GSTO2: variants seen among roughly 807,000 people sequenced by gnomAD.
The protein encoded by GSTO2 is glutathione S-transferase omega-2.
In GSTO2, 23 loss-of-function variants were observed where a neutral mutation model predicts 28.4. The ratio of observed to expected loss-of-function variants is 0.81; its 90% CI spans 0.58 to 1.15. The LOEUF is 1.15. Ranked by LOEUF, GSTO2 falls within the 50% of genes most tolerant of loss-of-function variation. GSTO2 has a pLI of 0.00. For synonymous variants in GSTO2, 109 were observed against 111.0 expected, an observed-to-expected ratio of 0.98 and a Z score of 0.11; for missense variants, 298 against 297.8, an observed-to-expected ratio of 1.00 and a Z score of 0.00.
chr10:104,298,015 C>A (rs1008162747), intron 6 of GSTO2, among the ~76,000 whole-genome samples: 1 of 152,194 alleles, frequency 6.6e-6, no homozygotes, highest in East Asian at 1.9e-4. Flanking sequence ...CCCAACGCCT[C>A]CACCTGGTCC....
At chr10:104,290,107 G>A (rs1484517246) in intron 5 of GSTO2, among the ~76,000 whole-genome samples, 1 of 152,206 alleles carries the variant, frequency 6.6e-6, no homozygotes, top group African/African-American at 2.4e-5. Flanking sequence ...AAGGAAATCA[G>A]TATATCAAAG....
At chr10:104,284,592 C>T (rs185834965) in intron 5 of GSTO2, among the ~76,000 whole-genome samples, 14 of 152,222 alleles carry the variant, frequency 9.2e-5, no homozygotes, top group Admixed American at 6.5e-4. Context: ...ATTTTCTAGC[C>T]CTTACTGAAT....
At chr10:104,292,497 C>T (rs189697140) in intron 5 of GSTO2, among the ~76,000 whole-genome samples, 1 of 150,950 alleles carries the variant, frequency 6.6e-6, no homozygotes, top group East Asian at 2.0e-4. Context: ...GGATCTCACT[C>T]TGTCACCTAG....
At position 104,299,316 on chromosome 10, in the gene GSTO2, T is replaced by C; in HGVS notation, c.*32T>C. 1.2e-6 allele frequency: 2 copies of C among 1,612,622 alleles called. No individual in the cohort carries two copies. On this transcript the variant is annotated 3_prime_UTR_variant, in exon 7 of 7. Coordinates refer to ENST00000338595, the MANE Select transcript of GSTO2 (RefSeq NM_183239.2). ...CTGTCCACCCCTTCGCTGTCCAGAA[T>C]TCCCCAGCTTGTTGGGAGTCTACGT...
intron 5 of GSTO2, among the ~76,000 whole-genome samples, chr10:104,290,339 C>G (rs1261169067): frequency 1.3e-5 from 2 of 152,000 alleles, no homozygotes; most frequent in African/African-American, 4.8e-5. Context: ...AACCCTGTCT[C>G]TACTGAAAAT....
chr10:104,280,887 G>A (rs2011998865), intron 5 of GSTO2, among the ~76,000 whole-genome samples: 1 of 152,142 alleles, frequency 6.6e-6, no homozygotes, highest in Admixed American at 6.6e-5. Flanking sequence ...AAATTTGTAC[G>A]ATTAAGTATT....
At chr10:104,296,796 CTTTT>C (rs2013059335) in intron 5 of GSTO2, 7 of 147,922 alleles carry the variant, frequency 4.7e-5, no homozygotes, top group Admixed American at 4.7e-4. Context: ...TTCTTTTTTT[CTTTT>C]TTACTTTTTG....
At chr10:104,272,877 G>A (rs2011483992) in intron 1 of GSTO2, among the ~76,000 whole-genome samples, 2 of 152,082 alleles carry the variant, frequency 1.3e-5, no homozygotes. Context: ...CTCCCAAAGT[G>A]CTGGGATTAC....
Position 104,286,897 on chromosome 10 carries a change from T to C in GSTO2, c.468+7426T>C, listed in dbSNP as rs931978158. Among the ~76,000 whole-genome samples, 4 of 152,124 alleles carry C rather than the reference T, an allele frequency of 2.6e-5. No individual in the cohort carries two copies. The South Asian group carries it at 8.3e-4, about 32-fold the overall frequency. On this transcript the variant is annotated intron_variant, in intron 5 of 6. Coordinates refer to ENST00000338595, the MANE Select transcript of GSTO2 (RefSeq NM_183239.2). ...AGAATTTGGAAAATACAGGAAAACATAGAAACTAAGGAAAAAAAATTATAA... is the reference window on the plus strand; with the variant it reads ...AGAATTTGGAAAATACAGGAAAACACAGAAACTAAGGAAAAAAAATTATAA...
chr10:104,279,395 T>C lies in GSTO2; in HGVS notation c.392T>C (p.Leu131Pro). ...CKVPHLTKEC[L>P]VALRCGRECT... ...GTCCCACATTTGACCAAGGAGTGCC[T>C]GGTAGCGTTGAGATGTGGGAGAGAA... The change falls in exon 5 of 7, where the codon CTG becomes CCG. Residue 131 changes from leucine (L) to proline (P), a missense_variant. Coordinates refer to ENST00000338595, the MANE Select transcript of GSTO2 (RefSeq NM_183239.2). The C allele has an allele frequency of 6.2e-7, 1 of 1,613,998 alleles. No homozygotes were observed. Among genetic ancestry groups the C allele is most frequent in the Non-Finnish European group, 8.5e-7 (1 of 1,179,906 alleles).
chr10:104,279,595 C>A, intron 5 of GSTO2, 124 bp downstream of exon 5: 1 of 636,462 alleles, frequency 1.6e-6, no homozygotes. Context: ...AGTCAGACTT[C>A]TGATCATCTG....
intron 5 of GSTO2, among the ~76,000 whole-genome samples, chr10:104,279,989 C>A (rs926535276): frequency 1.3e-5 from 2 of 151,768 alleles, no homozygotes; most frequent in African/African-American, 4.8e-5. Context: ...ATAGCAAGAC[C>A]CCTCCTCTAC....
chr10:104,284,919 C>T (rs535554028), intron 5 of GSTO2, among the ~76,000 whole-genome samples: 136 of 152,288 alleles, frequency 8.9e-4, no homozygotes, highest in Non-Finnish European at 1.6e-3. Flanking sequence ...CTTTCTTCGT[C>T]ATCATCAGAG....
At chr10:104,281,563 G>T (rs1241053835) in intron 5 of GSTO2, among the ~76,000 whole-genome samples, 2 of 152,124 alleles carry the variant, frequency 1.3e-5, no homozygotes, top group African/African-American at 4.8e-5. Flanking sequence ...TTCAGTCGGG[G>T]GTCTTTTCCA....
In GSTO2 at chr10:104,277,916, C is replaced by T; in HGVS notation, c.166C>T (p.Leu56=). The change falls in exon 4 of 7, where the codon CTG becomes TTG. Residue 56 remains leucine, a synonymous_variant. Transcript: ENST00000338595. The stretch of plus-strand genomic sequence containing the variant: ...AAGACATGAAGTGGTCAACATTAAC[C>T]TGAGAAACAAGCCTGAATGGTACTA... ...DIRHEVVNIN[L]RNKPEWYYTK... is the part of the protein sequence containing the mutation. 1.2e-6 allele frequency: 2 copies of T among 1,613,820 alleles called. No homozygotes were observed. The highest frequency in any genetic ancestry group is 1.7e-6 in the Non-Finnish European group (2 of 1,179,754).
chr10:104,283,199 C>T (rs555521759), intron 5 of GSTO2, among the ~76,000 whole-genome samples: 1 of 152,292 alleles, frequency 6.6e-6, no homozygotes, highest in South Asian at 2.1e-4. Context: ...TGTTAACCAG[C>T]CTCTATATAG....
chr10:104,304,732 C>A lies in GSTO2; in HGVS notation c.*5448C>A. The A allele has an allele frequency of 6.6e-6, 1 of 152,304 alleles. No homozygotes were observed. 9.4% of individuals were successfully genotyped at this position (152,304 alleles called of 1,614,324 possible). A position where few individuals can be genotyped will look rare whatever the true frequency, so the allele number is the denominator to read the frequency against. On this transcript the variant is annotated 3_prime_UTR_variant, in exon 7 of 7. Transcript: ENST00000338595. ...CCCATCACTTTGTGGAACTAGATGT[C>A]CTACGTTGCACATGGCTTGATTCAT...
chr10:104,275,309 C>T lies in GSTO2; in HGVS notation c.118C>T (p.Leu40Phe). 2 of 1,614,054 alleles carry T rather than the reference C, an allele frequency of 1.2e-6. No homozygotes were observed. Among genetic ancestry groups the T allele is most frequent in the Middle Eastern group, 1.6e-4 (1 of 6,062 alleles). Residue 40 changes from leucine to phenylalanine, a missense_variant, in exon 3 of 7, where the codon CTC becomes TTC. Transcript: ENST00000338595. The part of the protein sequence containing the change: ...RFCPYSHRTR[L>F]VLKAKDIRHE... ...CTGCCCCTATTCTCACAGGACCCGC[C>T]TCGTCCTCAAGGCCAAAGACATCAG...
At chr10:104,290,051 T>C (rs1360947550) in intron 5 of GSTO2, among the ~76,000 whole-genome samples, 1 of 152,154 alleles carries the variant, frequency 6.6e-6, no homozygotes, top group Non-Finnish European at 1.5e-5. Flanking sequence ...AAAATTGAGC[T>C]ACCATATGAT....
Sources: allele counts gnomAD v4.1 joint callset (sites outside exome capture counted in the v4.1 genomes callset), GRCh38; gene constraint gnomAD v4.1.1; transcripts MANE v1.5; gene names NCBI Gene and HGNC (gene_info 2026-07-23, HGNC 2026-07-21).